Variants in TTC9C observed in about 807,000 individuals in gnomAD.
TTC9C encodes tetratricopeptide repeat protein 9C.
TTC9C carries 15 observed loss-of-function variants against 22.5 expected under a neutral mutation model. The observed-to-expected ratio is 0.67, with a 90% CI of 0.45 to 1.03. The LOEUF (loss-of-function observed/expected upper bound fraction) is 1.03, where lower values mean the gene tolerates loss of function less well. Among genes scored for constraint, TTC9C ranks in the 50% least tolerant of loss-of-function variants. TTC9C has a pLI of 0.00. For synonymous variants in TTC9C, 92 were observed against 86.8 expected, an observed-to-expected ratio of 1.06 and a Z score of -0.33; for missense variants, 244 against 214.6, an observed-to-expected ratio of 1.14 and a Z score of -0.86.
Position 62,735,522 on chromosome 11 carries a change from G to A in TTC9C, c.379G>A (p.Ala127Thr), listed in dbSNP as rs775951621. ...TTTCCATCTGCAGGACTATGACCAG[G>A]CCCGCCACTACCTCCTGGCTGCCGT... ...AFFHLQDYDQARHYLLAAVNR... is the reference protein window; with the variant it reads ...AFFHLQDYDQTRHYLLAAVNR... Residue 127 changes from alanine (A) to threonine (T), a missense_variant, in exon 2 of 3, where the codon GCC becomes ACC. Transcript: ENST00000316461. The A allele has an allele frequency of 2.5e-6, 4 of 1,601,072 alleles. No individual in the cohort carries two copies. In the South Asian group the frequency reaches 3.3e-5, roughly 13 times the overall value.
intron 1 of TTC9C, among the ~76,000 whole-genome samples, chr11:62,729,384 T>C (rs1169027742): frequency 3.8e-4 from 52 of 135,674 alleles, no homozygotes; most frequent in African/African-American, 1.3e-3. Flanking sequence ...TTTATTTTAT[T>C]TTATTTTATT....
At chr11:62,733,645 C>A (rs1212674297) in intron 1 of TTC9C, among the ~76,000 whole-genome samples, 1 of 151,582 alleles carries the variant, frequency 6.6e-6, no homozygotes, top group East Asian at 1.9e-4. Context: ...GCTCCATAAC[C>A]CAGGCTGGAG....
At chr11:62,728,089 G>A (rs1480576023), upstream of TTC9C, 1 of 151,434 alleles carries the variant, frequency 6.6e-6, no homozygotes, top group Non-Finnish European at 1.5e-5. Context: ...TCGTTTCTGC[G>A]GGATTATTTT....
At chr11:62,729,668 C>T (rs2083823842) in intron 1 of TTC9C, among the ~76,000 whole-genome samples, 1 of 151,496 alleles carries the variant, frequency 6.6e-6, no homozygotes, top group Admixed American at 6.6e-5. Flanking sequence ...CTCTGCCTCC[C>T]GAGTTCAAGC....
chr11:62,738,634 A>G lies in TTC9C; in HGVS notation c.*252A>G. On this transcript the variant is annotated 3_prime_UTR_variant, in exon 3 of 3. Transcript: ENST00000316461. Reference sequence around the variant, plus strand: ...GGCTTGAGAAATATAATCAGAAAACATACATCAGTTGTGGGTGGAATTAAT... The same window carrying G: ...GGCTTGAGAAATATAATCAGAAAACGTACATCAGTTGTGGGTGGAATTAAT... 3 of 353,456 alleles carry G rather than the reference A, an allele frequency of 8.5e-6. No homozygotes were observed. Among genetic ancestry groups the G allele is most frequent in the Non-Finnish European group, 1.6e-5 (3 of 190,292 alleles). The allele number at this position is 353,456 out of a possible 1,614,324, so 21.9% of individuals were successfully genotyped here. A position where few individuals can be genotyped will look rare whatever the true frequency, so the allele number is the denominator to read the frequency against.
intron 1 of TTC9C, among the ~76,000 whole-genome samples, chr11:62,731,442 C>T (rs975796031): frequency 6.6e-6 from 1 of 151,990 alleles, no homozygotes. Context: ...ACAAAAAATA[C>T]AAAAATTAGC....
At chr11:62,728,152 A>G (rs1007180915), upstream of TTC9C, 3 of 199,354 alleles carry the variant, frequency 1.5e-5, no homozygotes, top group Admixed American at 1.6e-4. Context: ...GACCCTCAAG[A>G]TACCAAACTG....
chr11:62,729,549 C>T (rs2083821354), intron 1 of TTC9C, among the ~76,000 whole-genome samples: 1 of 151,108 alleles, frequency 6.6e-6, no homozygotes, highest in Non-Finnish European at 1.5e-5. Context: ...CAGGCGCCCG[C>T]CAGCCACCAC....
intron 2 of TTC9C, among the ~76,000 whole-genome samples, chr11:62,737,834 C>A (rs1448953677): frequency 2.0e-5 from 3 of 152,072 alleles, no homozygotes; most frequent in Admixed American, 2.0e-4. Flanking sequence ...AGTTCCAGAC[C>A]AGCTTGGCCA....
intron 2 of TTC9C, among the ~76,000 whole-genome samples, chr11:62,736,875 C>T (rs1382804837): frequency 2.0e-5 from 3 of 149,512 alleles, no homozygotes; most frequent in South Asian, 4.2e-4. Flanking sequence ...AAGCGAGTGT[C>T]GTTTTTCAAG....
At position 62,728,860 on chromosome 11, in the gene TTC9C, T is replaced by C; in HGVS notation, c.12T>C (p.Arg4=). 1.2e-6 allele frequency: 2 copies of C among 1,614,076 alleles called. No homozygotes were observed. Among genetic ancestry groups the C allele is most frequent in the East Asian group, 2.2e-5 (1 of 44,876 alleles). The part of the protein sequence containing the change: MEK[R]LQEAQLYKEE... ...CGTGGGCGACAGTTATGGAGAAGCGTCTGCAGGAGGCTCAGCTGTACAAGG... is the reference window on the plus strand; with the variant it reads ...CGTGGGCGACAGTTATGGAGAAGCGCCTGCAGGAGGCTCAGCTGTACAAGG... The change falls in exon 1 of 3, where the codon CGT becomes CGC. Residue 4 remains arginine, a synonymous_variant. Coordinates refer to ENST00000316461, the MANE Select transcript of TTC9C (RefSeq NM_173810.4).
chr11:62,728,962 G>A lies in TTC9C; in HGVS notation c.114G>A (p.Leu38=), dbSNP rs1394947924. 6.2e-7 allele frequency: 1 copy of A among 1,614,044 alleles called. No individual in the cohort carries two copies. The highest frequency in any genetic ancestry group is 8.5e-7 in the Non-Finnish European group (1 of 1,180,044). The change falls in exon 1 of 3, where the codon CTG becomes CTA. Residue 38 remains leucine (L), a synonymous_variant. Transcript: ENST00000316461. ...GGTACCATCGAGCTCTGCTTCAGCT[G>A]CGGGGTCTGGATCCGAGTCTGCCCT... ...VSRYHRALLQ[L]RGLDPSLPSP...
chr11:62,730,132 A>G (rs951023638), intron 1 of TTC9C, among the ~76,000 whole-genome samples: 6 of 151,708 alleles, frequency 4.0e-5, no homozygotes, highest in African/African-American at 1.2e-4. Flanking sequence ...CTGGGGTGCA[A>G]TGGCACGATC....
chr11:62,732,189 G>C (rs2083859053), intron 1 of TTC9C, among the ~76,000 whole-genome samples: 1 of 151,338 alleles, frequency 6.6e-6, no homozygotes, highest in East Asian at 2.0e-4. Context: ...TAGAGACGGG[G>C]TTTTACCGTG....
chr11:62,731,932 G>C (rs1279424102), intron 1 of TTC9C, among the ~76,000 whole-genome samples: 5 of 143,886 alleles, frequency 3.5e-5, no homozygotes, highest in African/African-American at 1.3e-4. Context: ...TGATCCTCCC[G>C]CCTTGGCCTC....
chr11:62,734,839 G>A (rs963860091), intron 1 of TTC9C, among the ~76,000 whole-genome samples: 2 of 152,126 alleles, frequency 1.3e-5, no homozygotes, highest in Non-Finnish European at 2.9e-5. Flanking sequence ...AGCCTAACTG[G>A]CTACTAAATA....
chr11:62,728,749 C>T lies in TTC9C; in HGVS notation c.-100C>T, dbSNP rs763780761. On this transcript the variant is annotated 5_prime_UTR_variant, in exon 1 of 3. Transcript: ENST00000316461. The stretch of plus-strand genomic sequence containing the variant: ...TCCAGGAAGAAGGGTAATTTCCTGC[C>T]TCCTTAAATTGGCTGCTACTGTCAG... The T allele has an allele frequency of 8.5e-6, 10 of 1,180,432 alleles. No homozygotes were observed. Among genetic ancestry groups the T allele is most frequent in the Non-Finnish European group, 1.2e-5 (10 of 801,538 alleles). 73.1% of individuals were successfully genotyped at this position (1,180,432 alleles called of 1,614,324 possible).
intron 1 of TTC9C, among the ~76,000 whole-genome samples, chr11:62,733,372 T>A (rs927598697): frequency 1.3e-5 from 2 of 152,168 alleles, no homozygotes; most frequent in Non-Finnish European, 2.9e-5. Context: ...GATTTCTTCA[T>A]CCACTAAATG....
intron 1 of TTC9C, among the ~76,000 whole-genome samples, chr11:62,732,786 G>A (rs754111328): frequency 6.6e-6 from 1 of 151,942 alleles, no homozygotes; most frequent in Admixed American, 6.6e-5. Flanking sequence ...GCTGGGTGTG[G>A]TGGCAGGTGC....
Sources: gnomAD v4.1 joint callset for allele counts (sites outside exome capture counted in the v4.1 genomes callset) on GRCh38, gnomAD v4.1.1 for gene constraint, MANE v1.5 for transcripts, NCBI Gene and HGNC (gene_info 2026-07-23, HGNC 2026-07-21) for gene names.